The following PKNOX2 variants were observed in gnomAD, a reference collection of about 807,000 sequenced individuals.
The protein encoded by PKNOX2 is PBX/knotted 1 homeobox 2.
In PKNOX2, 14 loss-of-function variants were observed where a neutral mutation model predicts 53.1. That is an observed-to-expected ratio of 0.26 (90% CI 0.17 to 0.41). The LOEUF (loss-of-function observed/expected upper bound fraction) is 0.41. Among genes scored for constraint, PKNOX2 ranks in the 10% least tolerant of loss-of-function variants. The pLI, the probability that PKNOX2 is intolerant of heterozygous loss-of-function variation, is 1.00. For missense variants in PKNOX2, 496 were observed against 602.8 expected, an observed-to-expected ratio of 0.82 and a Z score of 1.85; for synonymous variants, 257 against 242.8, an observed-to-expected ratio of 1.06 and a Z score of -0.54.
At chr11:125,203,344 G>A (rs1938671374) in intron 1 of PKNOX2, among the ~76,000 whole-genome samples, 1 of 152,230 alleles carries the variant, frequency 6.6e-6, no homozygotes, top group African/African-American at 2.4e-5. Context: ...CCGGGCTCAA[G>A]CGATCCTCCT....
At chr11:125,387,262 A>C (rs1466327914) in intron 6 of PKNOX2, among the ~76,000 whole-genome samples, 1 of 152,190 alleles carries the variant, frequency 6.6e-6, no homozygotes, top group Non-Finnish European at 1.5e-5. Flanking sequence ...AGGAGCTGGG[A>C]TGGACCTGGG....
intron 2 of PKNOX2, among the ~76,000 whole-genome samples, chr11:125,275,083 T>C (rs1946067844): frequency 6.6e-6 from 1 of 152,054 alleles, no homozygotes; most frequent in South Asian, 2.1e-4. Flanking sequence ...ATATTCTAAG[T>C]AGGGAGGAGT....
intron 2 of PKNOX2, among the ~76,000 whole-genome samples, chr11:125,282,545 A>G (rs1288252803): frequency 3.3e-5 from 5 of 152,172 alleles, no homozygotes; most frequent in African/African-American, 1.2e-4. Flanking sequence ...TGGAATTTGC[A>G]TTTCGAACAC....
At position 125,353,546 on chromosome 11, in the gene PKNOX2, T is replaced by G. The variant is rs185244314; in HGVS notation, c.87+2154T>G. 1.2e-4 allele frequency among the ~76,000 whole-genome samples: 19 copies of G among 152,224 alleles called. No individual in the cohort carries two copies. In the East Asian group the frequency reaches 3.7e-3, roughly 29 times the overall value. ...AGTCACCACTGAGCTGCTCTAGCCTTTGTGAGGAAGAAGGGAGTCTCCACT... is the reference window on the plus strand; with the variant it reads ...AGTCACCACTGAGCTGCTCTAGCCTGTGTGAGGAAGAAGGGAGTCTCCACT... On this transcript the variant is annotated intron_variant, in intron 4 of 12. Coordinates refer to ENST00000298282, the MANE Select transcript of PKNOX2 (RefSeq NM_001382323.2).
At position 125,242,721 on chromosome 11, in the gene PKNOX2, C is replaced by T. The variant is rs965376638; in HGVS notation, c.-130+7606C>T. Among the ~76,000 whole-genome samples, 28 of 152,102 alleles carry T rather than the reference C, an allele frequency of 1.8e-4. 1 individual carries two copies. The highest frequency in any genetic ancestry group is 3.2e-3 in the Middle Eastern group (1 of 316). On this transcript the variant is annotated intron_variant, in intron 2 of 12. Transcript: ENST00000298282. The stretch of plus-strand genomic sequence containing the variant: ...GCGAGGCAGTCTTTCAGGAGAGTGG[C>T]GGGTGTGTCCTTCTTGGCTCCTGAG...
rs1323620648 is a variant in PKNOX2 at position 125,165,069 on chromosome 11, G to T, written c.-201+293G>T. On this transcript the variant is annotated intron_variant, in intron 1 of 12. Coordinates refer to ENST00000298282, the MANE Select transcript of PKNOX2 (RefSeq NM_001382323.2). The surrounding 1 kb of genome is among the most constrained non-coding windows in gnomAD (Gnocchi z 4.5). The stretch of plus-strand genomic sequence containing the variant: ...GGGAGAGCGCGGAGCGGAGCAGCGC[G>T]AGGGGCGGCGAGGCCGGGCACGGAG... Among the ~76,000 whole-genome samples the T allele has an allele frequency of 6.6e-6, 1 of 150,470 alleles. No homozygotes were observed. The highest frequency in any genetic ancestry group is 1.5e-5 in the Non-Finnish European group (1 of 67,502).
chr11:125,193,262 G>T (rs953765924), intron 1 of PKNOX2, among the ~76,000 whole-genome samples: 1 of 152,146 alleles, frequency 6.6e-6, no homozygotes, highest in African/African-American at 2.4e-5. Flanking sequence ...TATATAAACT[G>T]CTTGGGACAT....
chr11:125,220,613 A>G (rs1465075226), intron 1 of PKNOX2, among the ~76,000 whole-genome samples: 1 of 152,122 alleles, frequency 6.6e-6, no homozygotes. Context: ...CACTGGGGCA[A>G]TCAGCCCTGG....
chr11:125,323,057 C>T (rs1230773907), intron 2 of PKNOX2, among the ~76,000 whole-genome samples: 7 of 152,192 alleles, frequency 4.6e-5, no homozygotes, highest in Admixed American at 4.6e-4. Context: ...CTGGTCCTAA[C>T]CTCACTTTGC....
chr11:125,299,289 T>G (rs1565491087), intron 2 of PKNOX2, among the ~76,000 whole-genome samples: 1 of 152,112 alleles, frequency 6.6e-6, no homozygotes, highest in Non-Finnish European at 1.5e-5. Flanking sequence ...CCTCCGACAC[T>G]GGGGTCACAT....
At chr11:125,201,626 T>G (rs1337369382) in intron 1 of PKNOX2, among the ~76,000 whole-genome samples, 2 of 152,146 alleles carry the variant, frequency 1.3e-5, no homozygotes, top group Non-Finnish European at 2.9e-5. Flanking sequence ...ATCTGACAGA[T>G]TCACTGGAAG....
chr11:125,314,443 C>A (rs1261597661), intron 2 of PKNOX2, among the ~76,000 whole-genome samples: 1 of 152,148 alleles, frequency 6.6e-6, no homozygotes, highest in African/African-American at 2.4e-5. Flanking sequence ...ACTCAGAGCT[C>A]GCGTCCAGAT....
At position 125,431,542 on chromosome 11, in the gene PKNOX2, A is replaced by G; in HGVS notation, c.*150A>G. The G allele has an allele frequency of 1.1e-6, 1 of 910,234 alleles. No individual in the cohort carries two copies. The highest frequency in any genetic ancestry group is 1.6e-6 in the Non-Finnish European group (1 of 615,938). The allele number at this position is 910,234 out of a possible 1,614,324, so 56.4% of individuals were successfully genotyped here. ...TCAGTAGCTTGAAGAAAGGCAAAGG[A>G]GACACCTGTTCCTTCCCAACCACCG... On this transcript the variant is annotated 3_prime_UTR_variant, in exon 13 of 13. Transcript: ENST00000298282.
At chr11:125,310,064 G>T (rs1272528107) in intron 2 of PKNOX2, among the ~76,000 whole-genome samples, 1 of 152,132 alleles carries the variant, frequency 6.6e-6, no homozygotes, top group Non-Finnish European at 1.5e-5. Flanking sequence ...CTGAAATCAA[G>T]ATATTTTTCA....
chr11:125,428,454 A>AT (rs1232737742), intron 10 of PKNOX2, among the ~76,000 whole-genome samples: 7 of 152,274 alleles, frequency 4.6e-5, no homozygotes, highest in African/African-American at 1.7e-4. Context: ...TAAAATGATG[A>AT]TTTTTTAATG....
intron 1 of PKNOX2, among the ~76,000 whole-genome samples, chr11:125,224,730 C>A (rs1296389831): frequency 6.6e-6 from 1 of 152,348 alleles, no homozygotes; most frequent in East Asian, 1.9e-4. Flanking sequence ...CACCCCTCCG[C>A]AGAGAATCAG....
At position 125,410,332 on chromosome 11, in the gene PKNOX2, G is replaced by A; in HGVS notation, c.718+7G>A. ...AACTCACAAGTTGTGTCAGGTCGGT[G>A]CAAAGACTGGGAAGGGTGATTGTGG... On this transcript the variant is annotated splice_region_variant and intron_variant, in intron 8 of 12. Transcript: ENST00000298282. The A allele has an allele frequency of 2.5e-6, 4 of 1,613,912 alleles. No individual in the cohort carries two copies. The highest frequency in any genetic ancestry group is 3.4e-6 in the Non-Finnish European group (4 of 1,179,956).
intron 3 of PKNOX2, among the ~76,000 whole-genome samples, chr11:125,350,717 G>A (rs1054489251): frequency 2.0e-5 from 3 of 152,190 alleles, no homozygotes; most frequent in Non-Finnish European, 4.4e-5. Context: ...TCTGAGGACG[G>A]GTCCAGGCCG....
At chr11:125,311,733 G>T (rs1948821685) in intron 2 of PKNOX2, among the ~76,000 whole-genome samples, 1 of 152,166 alleles carries the variant, frequency 6.6e-6, no homozygotes, top group Non-Finnish European at 1.5e-5. Flanking sequence ...CTCATGTCAA[G>T]TTTTCTGTTC....
Sources: gnomAD v4.1 joint callset for allele counts (sites outside exome capture counted in the v4.1 genomes callset) on GRCh38, gnomAD v4.1.1 for gene constraint, Gnocchi (gnomAD v3.1) non-coding constraint, MANE v1.5 for transcripts, NCBI Gene and HGNC (gene_info 2026-07-23, HGNC 2026-07-21) for gene names.